MPRIP: variants seen among roughly 807,000 people sequenced by gnomAD.
MPRIP encodes the protein myosin phosphatase Rho-interacting protein.
Under a neutral mutation model 234.9 loss-of-function variants are expected in MPRIP, and 59 were observed. The ratio of observed to expected loss-of-function variants is 0.25; its 90% confidence interval spans 0.20 to 0.31. The LOEUF (loss-of-function observed/expected upper bound fraction) is 0.31, where lower values mean the gene tolerates loss of function less well. Ranked by LOEUF, MPRIP falls within the 10% of genes least tolerant of loss-of-function variation. The probability of loss-of-function intolerance (pLI) is 1.00; values close to 1 mark genes in which losing one functional copy is unlikely to be tolerated. For missense variants in MPRIP, 2,436 were observed against 3,071.0 expected (o/e 0.79, Z 4.89); for synonymous variants, 1,144 against 1,263.9 (o/e 0.91, Z 2.01).
rs1459579435 is a variant in MPRIP, at chr17:17,192,472, A to G, written c.*7578A>G. 1.7e-5 allele frequency: 1 copy of G among 59,440 alleles called. No individual in the cohort carries two copies. Among genetic ancestry groups the G allele is most frequent in the African/African-American group, 6.9e-5 (1 of 14,450 alleles). 3.7% of individuals were successfully genotyped at this position (59,440 alleles called of 1,614,324 possible). ...GCGTCTTGAGGCTTTTTTTTTTTTT[A>G]CAAAGTTAGTTTGTGATCAACGATT... On this transcript the variant is annotated 3_prime_UTR_variant, in exon 24 of 24. Coordinates refer to ENST00000651222, the MANE Select transcript of MPRIP (RefSeq NM_001364716.4).
intron 1 of MPRIP, among the ~76,000 whole-genome samples, chr17:17,050,142 T>A (rs2143837055): frequency 6.6e-6 from 1 of 152,202 alleles, no homozygotes; most frequent in Admixed American, 6.5e-5. Flanking sequence ...GGTGAAACCC[T>A]GTCTCTACTA....
intron 1 of MPRIP, among the ~76,000 whole-genome samples, chr17:17,059,308 G>T (rs962934176): frequency 3.3e-5 from 5 of 152,184 alleles, no homozygotes; most frequent in Admixed American, 3.3e-4. Context: ...GTACACTCAT[G>T]AAAGAGTGAG....
At chr17:17,082,538 G>T (rs1405084664) in intron 3 of MPRIP, among the ~76,000 whole-genome samples, 1 of 151,838 alleles carries the variant, frequency 6.6e-6, no homozygotes, top group Non-Finnish European at 1.5e-5. Flanking sequence ...CAGGTGATCC[G>T]CCCGCCTCGG....
intron 3 of MPRIP, among the ~76,000 whole-genome samples, chr17:17,110,906 G>A (rs1403241618): frequency 6.6e-6 from 1 of 152,118 alleles, no homozygotes; most frequent in Non-Finnish European, 1.5e-5. Flanking sequence ...GTGGGATCTT[G>A]GAGCAGGAGA....
intron 3 of MPRIP, among the ~76,000 whole-genome samples, chr17:17,094,572 T>G (rs1343868031): frequency 4.0e-5 from 6 of 151,886 alleles, no homozygotes; most frequent in African/African-American, 1.5e-4. Context: ...ATTTTCTTCC[T>G]CTGGTAATTT....
Position 17,167,411 on chromosome 17 carries a change from C to T in MPRIP, c.5820C>T (p.Ser1940=), listed in dbSNP as rs1307175857. The T allele has an allele frequency of 6.1e-6, 8 of 1,304,252 alleles. No homozygotes were observed. The East Asian group carries it at 3.9e-4, about 63-fold the overall frequency. 80.8% of individuals were successfully genotyped at this position (1,304,252 alleles called of 1,614,324 possible). The change falls in exon 16 of 24, where the codon AGC becomes AGT. Residue 1940 remains serine, a synonymous_variant. Coordinates refer to ENST00000651222, the MANE Select transcript of MPRIP (RefSeq NM_001364716.4). The surrounding 1 kb of genome is among the most constrained non-coding windows in gnomAD (Gnocchi z 5.9). ...ATGCAGAGAGCAAGCACAGCATGAG[C>T]ATGTTCACCCTGCGGGGCAGGTATG... is the stretch of plus-strand genomic sequence containing the variant. ...LEDAESKHSM[S]MFTLRGRYEE... is the part of the protein sequence containing the mutation.
At chr17:17,046,557 T>G (rs756865486) in intron 1 of MPRIP, among the ~76,000 whole-genome samples, 8 of 152,230 alleles carry the variant, frequency 5.3e-5, no homozygotes, top group Non-Finnish European at 1.2e-4. Flanking sequence ...CTCTAATAAT[T>G]TTCCTAATTA....
At chr17:17,063,523 C>G (rs2088928658) in intron 1 of MPRIP, among the ~76,000 whole-genome samples, 1 of 152,052 alleles carries the variant, frequency 6.6e-6, no homozygotes, top group Admixed American at 6.5e-5. Context: ...CCATAGAGGG[C>G]CTTCTGGGTG....
At chr17:17,056,812 G>T (rs2088714123) in intron 1 of MPRIP, among the ~76,000 whole-genome samples, 1 of 151,450 alleles carries the variant, frequency 6.6e-6, no homozygotes, top group Admixed American at 6.6e-5. Flanking sequence ...CTACAAATCT[G>T]CTTTGTGCCT....
Position 17,165,708 on chromosome 17 carries a change from A to C in MPRIP, c.4117A>C (p.Thr1373Pro), listed in dbSNP as rs919363155. The C allele has an allele frequency of 7.7e-7, 1 of 1,305,076 alleles. No individual in the cohort carries two copies. The highest frequency in any genetic ancestry group is 1.0e-6 in the Non-Finnish European group (1 of 989,012). 80.8% of individuals were successfully genotyped at this position (1,305,076 alleles called of 1,614,324 possible). A position where few individuals can be genotyped will look rare whatever the true frequency, so the allele number is the denominator to read the frequency against. ...GCCTGCACCCAGTGTACTGCCTGCA[A>C]CTGGCGACTCTGACACGTACCTCTC... Reference protein sequence around the residue: ...SEPAPSVLPATGDSDTYLSII... With the variant: ...SEPAPSVLPAPGDSDTYLSII... The change falls in exon 16 of 24, where the codon ACT becomes CCT. Residue 1373 changes from threonine to proline, a missense_variant. Transcript: ENST00000651222.
intron 3 of MPRIP, among the ~76,000 whole-genome samples, chr17:17,106,170 A>G (rs1366266418): frequency 6.6e-6 from 1 of 152,196 alleles, no homozygotes; most frequent in Non-Finnish European, 1.5e-5. Flanking sequence ...CCTCACCACC[A>G]TGTCTTTCTC....
At chr17:17,163,493 C>T (rs530386015) in intron 15 of MPRIP, among the ~76,000 whole-genome samples, 1 of 152,230 alleles carries the variant, frequency 6.6e-6, no homozygotes, top group Non-Finnish European at 1.5e-5. Flanking sequence ...CCATGGTTCC[C>T]GTTCCCCCCT....
chr17:17,175,473 G>A (rs1026909593), intron 20 of MPRIP, 61 bp downstream of exon 20: 5 of 1,495,800 alleles, frequency 3.3e-6, no homozygotes, highest in Admixed American at 4.6e-5. Context: ...CCAGGGGAGT[G>A]CAGCATGGCC....
chr17:17,184,553 C>T (rs954503370), intron 23 of MPRIP, among the ~76,000 whole-genome samples: 3 of 152,226 alleles, frequency 2.0e-5, no homozygotes, highest in African/African-American at 7.2e-5. Flanking sequence ...TCTAAAGAGC[C>T]CTAAGCTCAG....
intron 8 of MPRIP, 87 bp downstream of exon 8, chr17:17,142,852 G>A (rs1339147693): frequency 6.2e-6 from 9 of 1,456,994 alleles, no homozygotes; most frequent in South Asian, 1.3e-5. Context: ...CTCCACACAG[G>A]CCTGGGATGT....
rs1213302822 is a variant in MPRIP at position 17,190,144 on chromosome 17, A to C, written c.*5250A>C. 2 of 152,228 alleles carry C rather than the reference A, an allele frequency of 1.3e-5. No homozygotes were observed. Among genetic ancestry groups the C allele is most frequent in the African/African-American group, 4.8e-5 (2 of 41,462 alleles). The allele number at this position is 152,228 out of a possible 1,614,324, so 9.4% of individuals were successfully genotyped here. On this transcript the variant is annotated 3_prime_UTR_variant, in exon 24 of 24. Transcript: ENST00000651222. ...AGGCTTGGAGGTGCCATATACAAGC[A>C]CACTTCTTCCTTCCCCTGGCTTCTC... is the stretch of plus-strand genomic sequence containing the variant.
intron 3 of MPRIP, among the ~76,000 whole-genome samples, chr17:17,101,599 C>CAA (rs536076863): frequency 2.1e-5 from 3 of 143,516 alleles, no homozygotes; most frequent in African/African-American, 8.0e-5. Flanking sequence ...ACAACAACAA[C>CAA]AAAAAAAATA....
intron 1 of MPRIP, among the ~76,000 whole-genome samples, chr17:17,049,540 C>A (rs1399931921): frequency 6.6e-6 from 1 of 151,948 alleles, no homozygotes; most frequent in Non-Finnish European, 1.5e-5. Context: ...TTATAAAGGA[C>A]TCTTCTTTTA....
chr17:17,088,766 G>A (rs978670571), intron 3 of MPRIP, among the ~76,000 whole-genome samples: 4 of 152,232 alleles, frequency 2.6e-5, no homozygotes, highest in African/African-American at 4.8e-5. Flanking sequence ...GCTGATCCAC[G>A]TAGGGCACCA....
Sources: gnomAD v4.1 joint callset for allele counts (sites outside exome capture counted in the v4.1 genomes callset) on GRCh38, gnomAD v4.1.1 for gene constraint, Gnocchi (gnomAD v3.1) non-coding constraint, MANE v1.5 for transcripts, NCBI Gene and HGNC (gene_info 2026-07-23, HGNC 2026-07-21) for gene names.